CXADR: variants seen among roughly 807,000 people sequenced by gnomAD.
CXADR encodes CXADR cell adhesion molecule.
A neutral mutation model predicts 40.3 loss-of-function variants in CXADR; 20 were observed. That is an observed-to-expected ratio of 0.50 (90% CI 0.35 to 0.72). The LOEUF (loss-of-function observed/expected upper bound fraction) is 0.72, where lower values mean the gene tolerates loss of function less well. CXADR is among the 30% of genes least tolerant of loss of function. The probability of loss-of-function intolerance (pLI) is 0.01; values close to 1 mark genes in which losing one functional copy is unlikely to be tolerated. For synonymous variants in CXADR, 150 were observed against 161.3 expected, an observed-to-expected ratio of 0.93 and a Z score of 0.53; for missense variants, 332 against 449.1, an observed-to-expected ratio of 0.74 and a Z score of 2.36.
At chr21:17,574,054 T>C (rs973390736), downstream of CXADR, among the ~76,000 whole-genome samples, 1 of 152,256 alleles carries the variant, frequency 6.6e-6, no homozygotes, top group Non-Finnish European at 1.5e-5. Context: ...TAAGAACTTC[T>C]ACATTTTAAG....
At chr21:17,518,831 C>G (rs982071928) in intron 1 of CXADR, 4 of 1,563,088 alleles carry the variant, frequency 2.6e-6, no homozygotes, top group Middle Eastern at 2.3e-4. Flanking sequence ...ATGTTCATCT[C>G]TTCAATACCA....
chr21:17,519,719 A>C (rs1183903775), intron 1 of CXADR, among the ~76,000 whole-genome samples: 2 of 152,116 alleles, frequency 1.3e-5, no homozygotes, highest in African/African-American at 4.8e-5. Context: ...CATCATGGTA[A>C]TCTCCCAAGT....
In CXADR at chr21:17,518,911, T is replaced by C. The variant is rs1199726443; in HGVS notation, c.43+5739T>C. 7.6e-6 allele frequency: 12 copies of C among 1,587,546 alleles called. 1 individual carries two copies. The highest frequency in any genetic ancestry group is 1.7e-5 in the Admixed American group (1 of 59,966). On this transcript the variant is annotated intron_variant, in intron 1 of 6. Transcript: ENST00000284878. ...TTTGTCATCAGCCATGGCTGTTTTA[T>C]GTACCACCTTCTTTCTGCGAGCTGT...
intron 3 of CXADR, among the ~76,000 whole-genome samples, chr21:17,555,937 A>G (rs2061029454): frequency 6.6e-6 from 1 of 152,200 alleles, no homozygotes; most frequent in African/African-American, 2.4e-5. Flanking sequence ...TGTCTCATGT[A>G]GGGATTTAGA....
At chr21:17,633,279 T>C in the CXADR span, 1 of 152,142 alleles carries the variant, frequency 6.6e-6, no homozygotes, top group Non-Finnish European at 1.5e-5. Context: ...AATTAAAGAT[T>C]ATCAGCTGGG....
chr21:17,520,483 A>G (rs1033890730), intron 1 of CXADR, among the ~76,000 whole-genome samples: 2 of 152,202 alleles, frequency 1.3e-5, no homozygotes, highest in African/African-American at 4.8e-5. Context: ...GCAAAGATCT[A>G]AAGGCCATAC....
downstream of CXADR, among the ~76,000 whole-genome samples, chr21:17,598,119 G>A (rs979131826): frequency 6.6e-6 from 1 of 152,118 alleles, no homozygotes; most frequent in Admixed American, 6.5e-5. Context: ...GAATGGATCT[G>A]TAAGTGCAGG....
chr21:17,579,583 C>T (rs146297484), intron 7 of CXADR, among the ~76,000 whole-genome samples: 182 of 152,308 alleles, frequency 1.2e-3, no homozygotes, highest in African/African-American at 4.2e-3. Context: ...TGCGCCCCGC[C>T]GGTCTCACTT....
chr21:17,579,295 T>C (rs2061343347), intron 7 of CXADR, among the ~76,000 whole-genome samples: 1 of 151,816 alleles, frequency 6.6e-6, no homozygotes, highest in African/African-American at 2.4e-5. Context: ...CTTTTCTTTT[T>C]TTTTTTTGAG....
downstream of CXADR, among the ~76,000 whole-genome samples, chr21:17,574,057 A>G (rs2061300806): frequency 6.6e-6 from 1 of 152,242 alleles, no homozygotes; most frequent in Non-Finnish European, 1.5e-5. Context: ...GAACTTCTAC[A>G]TTTTAAGTTA....
chr21:17,579,885 A>G (rs754026813), intron 7 of CXADR, among the ~76,000 whole-genome samples: 15 of 74,254 alleles, frequency 2.0e-4, no homozygotes, highest in Non-Finnish European at 3.2e-4. Flanking sequence ...GTATTTTATT[A>G]AAAAAAAAAA....
chr21:17,561,117 T>TA (rs1284690589), intron 5 of CXADR, among the ~76,000 whole-genome samples: 1 of 152,226 alleles, frequency 6.6e-6, no homozygotes, highest in Non-Finnish European at 1.5e-5. Context: ...CTTTGAATAT[T>TA]AAAATCTTTC....
chr21:17,593,980 T>C, downstream of CXADR: 3 of 1,236,818 alleles, frequency 2.4e-6, no homozygotes, highest in Non-Finnish European at 2.2e-6. Context: ...ATAAGTTTGA[T>C]GGTTTGGCCC....
Position 17,545,400 on chromosome 21 carries a change from T to C in CXADR, c.44-1627T>C, listed in dbSNP as rs116158045. On this transcript the variant is annotated intron_variant, in intron 1 of 6. Coordinates refer to ENST00000284878, the MANE Select transcript of CXADR (RefSeq NM_001338.5). ...GAATAGGAAAAAAAGTTTTATGTGA[T>C]TGTTCACTTACAGACTAAATTTGCA... 7.2e-3 allele frequency among the ~76,000 whole-genome samples: 1,104 copies of C among 152,314 alleles called. 11 individuals are homozygous for C. Among genetic ancestry groups the C allele is most frequent in the African/African-American group, 0.024 (995 of 41,566 alleles).
At chr21:17,550,333 G>A (rs369907408) in intron 2 of CXADR, among the ~76,000 whole-genome samples, 9 of 134,132 alleles carry the variant, frequency 6.7e-5, no homozygotes, top group Non-Finnish European at 9.3e-5. Flanking sequence ...CTGCCTGGGC[G>A]ATAGAACAAG....
chr21:17,604,425 A>G, the CXADR span: 1 of 182,996 alleles, frequency 5.5e-6, no homozygotes, highest in Non-Finnish European at 1.2e-5. Flanking sequence ...AGCCTGGGCA[A>G]CAAGAGTGAA....
At chr21:17,605,033 T>G in the CXADR span, 1 of 1,603,354 alleles carries the variant, frequency 6.2e-7, no homozygotes, top group Non-Finnish European at 8.5e-7. Context: ...TGGATTTAAA[T>G]GAATTTAATC....
At chr21:17,621,924 A>G in the CXADR span, among the ~76,000 whole-genome samples, 2 of 152,252 alleles carry the variant, frequency 1.3e-5, no homozygotes, top group Non-Finnish European at 2.9e-5. Context: ...ATAAAAGTAT[A>G]AAGACAATAA....
the CXADR span, among the ~76,000 whole-genome samples, chr21:17,607,515 G>A: frequency 1.3e-5 from 2 of 152,156 alleles, no homozygotes; most frequent in Non-Finnish European, 2.9e-5. Flanking sequence ...AAATGAAAAG[G>A]AAAATAAACT....
Sources: allele counts gnomAD v4.1 joint callset (sites outside exome capture counted in the v4.1 genomes callset), GRCh38; gene constraint gnomAD v4.1.1; transcripts MANE v1.5; gene names NCBI Gene and HGNC (gene_info 2026-07-23, HGNC 2026-07-21).